ZNF786: variants seen among roughly 807,000 people sequenced by gnomAD.
ZNF786 encodes zinc finger protein 786.
Under a neutral mutation model 63.1 loss-of-function variants are expected in ZNF786, and 56 were observed. That is an observed-to-expected ratio of 0.89 (90% CI 0.72 to 1.11). The LOEUF is 1.11. ZNF786 is among the 50% of genes least tolerant of loss of function. The pLI, the probability that ZNF786 is intolerant of heterozygous loss-of-function variation, is 0.00. For synonymous variants in ZNF786, 485 were observed against 406.9 expected, an observed-to-expected ratio of 1.19 and a Z score of -2.31; for missense variants, 1,213 against 1,041.8, an observed-to-expected ratio of 1.16 and a Z score of -2.26.
At chr7:149,074,083 A>G (rs1825497453) in intron 3 of ZNF786, among the ~76,000 whole-genome samples, 1 of 151,822 alleles carries the variant, frequency 6.6e-6, no homozygotes, top group African/African-American at 2.4e-5. Context: ...CTGAGCCACC[A>G]TGCCTGGCCT....
intron 1 of ZNF786, among the ~76,000 whole-genome samples, chr7:149,082,881 C>A (rs1169064548): frequency 1.3e-5 from 2 of 150,482 alleles, no homozygotes; most frequent in Non-Finnish European, 3.0e-5. Flanking sequence ...CCATGCTCAG[C>A]CTCTTCATCT....
rs763734850 is a variant in ZNF786, at chr7:149,071,220, A to C, written c.1552T>G (p.Phe518Val). ...TCACGGAGCTTGCACTGGTGGGTGA[A>C]GCCTCTGCCACACTCGCTACAGGAG... ...PFSCSECGRG[F>V]THQCKLREHL... Residue 518 changes from phenylalanine (F) to valine (V), a missense_variant, in exon 4 of 4, where the codon TTC becomes GTC. By Grantham distance (50) the Phe-to-Val change is conservative (BLOSUM62 -1). Coordinates refer to ENST00000491431, the MANE Select transcript of ZNF786 (RefSeq NM_152411.4). 3 of 1,610,710 alleles carry C rather than the reference A, an allele frequency of 1.9e-6. No homozygotes were observed. The highest frequency in any genetic ancestry group is 2.7e-5 in the African/African-American group (2 of 74,756).
In ZNF786 at chr7:149,071,966, C is replaced by T. The variant is rs774134986; in HGVS notation, c.806G>A (p.Arg269Gln). ...GAAGCACATTTCACCGTCAGCGTTC[C>T]GGAAGGGGCCCCTCCCCGTGTGGGC... ...LAAHTGRGPF[R>Q]NADGEMCFRH... Residue 269 changes from arginine to glutamine, a missense_variant, in exon 4 of 4, where the codon CGG becomes CAG. Arg to Gln is a conservative substitution (Grantham distance 43). Transcript: ENST00000491431. The T allele has an allele frequency of 2.5e-6, 4 of 1,612,180 alleles. No individual in the cohort carries two copies. The highest frequency in any genetic ancestry group is 3.4e-6 in the Non-Finnish European group (4 of 1,179,798).
At chr7:149,088,042 A>T (rs954801975) in intron 1 of ZNF786, among the ~76,000 whole-genome samples, 1 of 143,256 alleles carries the variant, frequency 7.0e-6, no homozygotes, top group South Asian at 2.2e-4. Flanking sequence ...TTGCTCTGTC[A>T]CCCAGGCTGG....
Position 149,074,526 on chromosome 7 carries a change from G to A in ZNF786, c.158C>T (p.Pro53Leu). ...ETLVSLDDGL[P>L]KPELISWIEH... Reference sequence around the variant, plus strand: ...AATCCAGGATATTAGTTCTGGTTTTGGAAGTCCATCATCTGCACAGAGAAG... The same window carrying A: ...AATCCAGGATATTAGTTCTGGTTTTAGAAGTCCATCATCTGCACAGAGAAG... Residue 53 changes from proline (P) to leucine (L), a missense_variant, in exon 3 of 4, where the codon CCA becomes CTA. By Grantham distance (98) the Pro-to-Leu change is moderately conservative. Transcript: ENST00000491431. The A allele has an allele frequency of 1.2e-6, 2 of 1,613,682 alleles. No individual in the cohort carries two copies. The highest frequency in any genetic ancestry group is 2.2e-5 in the South Asian group (2 of 91,030).
chr7:149,071,082 G>C lies in ZNF786; in HGVS notation c.1690C>G (p.Pro564Ala). 6.2e-7 allele frequency: 1 copy of C among 1,612,008 alleles called. No homozygotes were observed. The change falls in exon 4 of 4, where the codon CCG becomes GCG. Residue 564 changes from proline to alanine, a missense_variant. Coordinates refer to ENST00000491431, the MANE Select transcript of ZNF786 (RefSeq NM_152411.4). The part of the protein sequence containing the change: ...AHQHTHSKER[P>A]FSCGECGKGF... Reference sequence around the variant, plus strand: ...TTGCCACACTCCCCGCACGAGAACGGCCTCTCCTTGCTGTGCGTGTGCTGG... The same window carrying C: ...TTGCCACACTCCCCGCACGAGAACGCCCTCTCCTTGCTGTGCGTGTGCTGG...
At chr7:149,083,814 T>G (rs970157066) in intron 1 of ZNF786, among the ~76,000 whole-genome samples, 1 of 152,204 alleles carries the variant, frequency 6.6e-6, no homozygotes, top group African/African-American at 2.4e-5. Flanking sequence ...TCCTGTGTTA[T>G]CTCACTTAAG....
At chr7:149,077,867 CT>C (rs373659985) in intron 2 of ZNF786, among the ~76,000 whole-genome samples, 259 of 139,466 alleles carry the variant, frequency 1.9e-3, no homozygotes, top group Middle Eastern at 3.7e-3. Flanking sequence ...ATAATTTTGT[CT>C]TTTTTTTTTT....
intron 1 of ZNF786, among the ~76,000 whole-genome samples, chr7:149,083,483 A>G (rs1825683759): frequency 6.6e-6 from 1 of 152,000 alleles, no homozygotes; most frequent in South Asian, 2.1e-4. Context: ...TCCCAGTGCT[A>G]GGATTACAGG....
chr7:149,077,413 G>A (rs1037670776), intron 2 of ZNF786, among the ~76,000 whole-genome samples: 21 of 150,874 alleles, frequency 1.4e-4, no homozygotes, highest in African/African-American at 4.9e-4. Context: ...GGATCATGAG[G>A]TCAGCAGATC....
chr7:149,080,010 A>G (rs889548119), intron 2 of ZNF786, among the ~76,000 whole-genome samples: 1 of 151,802 alleles, frequency 6.6e-6, no homozygotes, highest in African/African-American at 2.4e-5. Context: ...TGTCTCTACT[A>G]AAAATACAAA....
At chr7:149,078,409 G>C (rs1250701758) in intron 2 of ZNF786, among the ~76,000 whole-genome samples, 1 of 152,112 alleles carries the variant, frequency 6.6e-6, no homozygotes, top group Non-Finnish European at 1.5e-5. Flanking sequence ...GGTAGGCCAG[G>C]CACGGTGGCT....
At chr7:149,078,955 TA>T (rs1563138845) in intron 2 of ZNF786, among the ~76,000 whole-genome samples, 1 of 152,194 alleles carries the variant, frequency 6.6e-6, no homozygotes, top group Non-Finnish European at 1.5e-5. Context: ...AGGGATTGTA[TA>T]AGTGAACTAA....
At chr7:149,084,087 G>A (rs566261706) in intron 1 of ZNF786, among the ~76,000 whole-genome samples, 27 of 152,206 alleles carry the variant, frequency 1.8e-4, no homozygotes, top group African/African-American at 5.3e-4. Flanking sequence ...CTGGCTGGGC[G>A]CGGTGGCTCA....
In ZNF786 at chr7:149,090,646, C is replaced by G. The variant is rs765827007; in HGVS notation, c.-6G>C. 16 of 1,588,304 alleles carry G rather than the reference C, an allele frequency of 1.0e-5. No homozygotes were observed. The South Asian group carries it at 1.8e-4, about 18-fold the overall frequency. On this transcript the variant is annotated 5_prime_UTR_variant, in exon 1 of 4. Transcript: ENST00000491431. ...ACCCGAGGCGGCTCCGCCATGGTCC[C>G]CGCGGTCCCGCCCGGCCCTGGCAAA...
chr7:149,085,638 T>C (rs1279876695), intron 1 of ZNF786, among the ~76,000 whole-genome samples: 4 of 152,206 alleles, frequency 2.6e-5, no homozygotes, highest in South Asian at 2.1e-4. Context: ...CTAATTGTCA[T>C]TGGTAGTTTG....
rs1344445639 is a variant in ZNF786 at position 149,090,658 on chromosome 7, C to A, written c.-18G>T. On this transcript the variant is annotated 5_prime_UTR_variant, in exon 1 of 4. Coordinates refer to ENST00000491431, the MANE Select transcript of ZNF786 (RefSeq NM_152411.4). ...TCCGCCATGGTCCCCGCGGTCCCGC[C>A]CGGCCCTGGCAAACCCGACCGTCTC... The A allele has an allele frequency of 8.8e-6, 14 of 1,583,110 alleles. No individual in the cohort carries two copies. The highest frequency in any genetic ancestry group is 1.1e-5 in the Non-Finnish European group (13 of 1,163,710).
rs775726975 is a variant in ZNF786 at position 149,071,019 on chromosome 7, G to C, written c.1753C>G (p.Arg585Gly). Residue 585 changes from arginine (R) to glycine (G), a missense_variant, in exon 4 of 4, where the codon CGC (arginine) becomes GGC (glycine). By Grantham distance (125) the Arg-to-Gly change is moderately radical (BLOSUM62 -2). Coordinates refer to ENST00000491431, the MANE Select transcript of ZNF786 (RefSeq NM_152411.4). ...AAGGGTCTCTCCCCGCTGTGCACGC[G>C]CAAGTGCTCCGTGAGCTTGGATTGT... ...TRQSKLTEHLRVHSGERPFQC... is the reference protein window; with the variant it reads ...TRQSKLTEHLGVHSGERPFQC... 11 of 1,610,562 alleles carry C rather than the reference G, an allele frequency of 6.8e-6. No individual in the cohort carries two copies. Among genetic ancestry groups the C allele is most frequent in the Non-Finnish European group, 7.6e-6 (9 of 1,179,436 alleles).
At chr7:149,078,736 CTT>C (rs1049571805) in intron 2 of ZNF786, among the ~76,000 whole-genome samples, 16 of 151,636 alleles carry the variant, frequency 1.1e-4, no homozygotes, top group Non-Finnish European at 1.9e-4. Context: ...ATATTAGAAA[CTT>C]TGCAATATAA....
Sources: allele counts gnomAD v4.1 joint callset (sites outside exome capture counted in the v4.1 genomes callset), GRCh38; gene constraint gnomAD v4.1.1; transcripts MANE v1.5; gene names NCBI Gene and HGNC (gene_info 2026-07-23, HGNC 2026-07-21).